KIAA0319L: variants seen among roughly 807,000 people sequenced by gnomAD.
KIAA0319L encodes the protein dyslexia-associated protein KIAA0319-like protein.
KIAA0319L carries 55 observed loss-of-function variants against 120.1 expected under a neutral mutation model. That is an observed-to-expected ratio of 0.46 (90% CI 0.37 to 0.57). KIAA0319L has a LOEUF of 0.57. Ranked by LOEUF, KIAA0319L falls within the 20% of genes least tolerant of loss-of-function variation. The pLI is 0.00. For missense variants in KIAA0319L, 1,049 were observed against 1,255.3 expected (o/e 0.84, Z 2.48); for synonymous variants, 398 against 471.9 (o/e 0.84, Z 2.03).
intron 15 of KIAA0319L, among the ~76,000 whole-genome samples, chr1:35,449,276 C>A (rs979069547): frequency 2.0e-5 from 3 of 152,180 alleles, no homozygotes; most frequent in African/African-American, 7.2e-5. Flanking sequence ...CTCTATCCCA[C>A]CTCCATACTC....
Position 35,434,867 on chromosome 1 carries a change from C to T in KIAA0319L, c.*27G>A. On this transcript the variant is annotated 3_prime_UTR_variant, in exon 21 of 21. Transcript: ENST00000325722. ...GGACTGGCCGGGCAGTGTGCTGGGC[C>T]CTGCCCTGAGGAGACAGACCAGGTG... The T allele has an allele frequency of 1.2e-6, 2 of 1,600,770 alleles. No individual in the cohort carries two copies. Among genetic ancestry groups the T allele is most frequent in the Non-Finnish European group, 8.5e-7 (1 of 1,171,942 alleles).
chr1:35,441,187 G>A (rs372173085), intron 19 of KIAA0319L, 49 bp from the exon 20 acceptor site: 78 of 1,537,910 alleles, frequency 5.1e-5, no homozygotes, highest in Non-Finnish European at 6.7e-5. Context: ...TTCTCTGGGA[G>A]GATGAGGATG....
At chr1:35,498,481 T>C (rs77940371) in intron 3 of KIAA0319L, among the ~76,000 whole-genome samples, 313 of 152,332 alleles carry the variant, frequency 2.1e-3, no homozygotes, top group African/African-American at 7.4e-3. Flanking sequence ...CTGTTTCTTC[T>C]TCAAGAATTC....
intron 2 of KIAA0319L, among the ~76,000 whole-genome samples, chr1:35,531,459 G>A (rs531426357): frequency 3.9e-5 from 6 of 152,324 alleles, no homozygotes; most frequent in African/African-American, 1.4e-4. Context: ...ATACAGTTTG[G>A]TGAGAGCTGG....
intron 11 of KIAA0319L, 144 bp downstream of exon 11, chr1:35,454,218 A>G: frequency 1.3e-6 from 1 of 741,888 alleles, no homozygotes; most frequent in Non-Finnish European, 2.2e-6. Context: ...GCACAAGGGG[A>G]AGGAACAATA....
chr1:35,505,614 A>G (rs1645178603), intron 3 of KIAA0319L, among the ~76,000 whole-genome samples: 1 of 152,254 alleles, frequency 6.6e-6, no homozygotes, highest in Admixed American at 6.5e-5. Context: ...AAGGCTTAGA[A>G]AAGTGCCTGA....
chr1:35,477,112 A>G (rs1215261466), intron 4 of KIAA0319L, among the ~76,000 whole-genome samples: 1 of 152,236 alleles, frequency 6.6e-6, no homozygotes, highest in African/African-American at 2.4e-5. Context: ...AAGCTACTGC[A>G]CAGCAAAGGA....
intron 2 of KIAA0319L, among the ~76,000 whole-genome samples, chr1:35,511,705 C>G (rs541479310): frequency 6.6e-6 from 1 of 152,112 alleles, no homozygotes; most frequent in African/African-American, 2.4e-5. Context: ...TATCTAGAAG[C>G]CTTCTCATTT....
At chr1:35,521,711 G>A (rs947798792) in intron 2 of KIAA0319L, among the ~76,000 whole-genome samples, 1 of 151,596 alleles carries the variant, frequency 6.6e-6, no homozygotes, top group Non-Finnish European at 1.5e-5. Flanking sequence ...GGTGGCTCAC[G>A]CCTGTAATCC....
At chr1:35,483,146 C>G (rs1484448272) in intron 3 of KIAA0319L, among the ~76,000 whole-genome samples, 1 of 152,118 alleles carries the variant, frequency 6.6e-6, no homozygotes, top group Non-Finnish European at 1.5e-5. Context: ...ATAAATGAGT[C>G]CTTTGTCAGA....
At position 35,557,314 on chromosome 1, in the gene KIAA0319L, AG is replaced by A. The variant is rs1187319336; in HGVS notation, c.-137del. The A allele has an allele frequency of 4.0e-5, 9 of 227,816 alleles. No homozygotes were observed. The East Asian group carries it at 1.4e-3, about 34-fold the overall frequency. 14.1% of individuals were successfully genotyped at this position (227,816 alleles called of 1,614,324 possible). ...CTTCGCTCCCCTCACCCGGAGGAGG[AG>A]GAGGAAGAGGAAGAAGGTAGTGCGG... On this transcript the variant is annotated 5_prime_UTR_variant, in exon 1 of 21. Coordinates refer to ENST00000325722, the MANE Select transcript of KIAA0319L (RefSeq NM_024874.5).
At chr1:35,505,078 T>G (rs1322194315) in intron 3 of KIAA0319L, among the ~76,000 whole-genome samples, 2 of 152,218 alleles carry the variant, frequency 1.3e-5, no homozygotes, top group Non-Finnish European at 2.9e-5. Context: ...CACCTTAGTT[T>G]GTATTAGGTG....
At chr1:35,524,302 G>A (rs11264170) in intron 2 of KIAA0319L, among the ~76,000 whole-genome samples, 23,355 of 152,140 alleles carry the variant, frequency 0.15, 3,569 homozygotes, top group East Asian at 0.52. Flanking sequence ...TGTAAGACTG[G>A]TTTGTCCTGA....
chr1:35,499,026 G>T (rs1644908842), intron 3 of KIAA0319L, among the ~76,000 whole-genome samples: 2 of 152,150 alleles, frequency 1.3e-5, no homozygotes, highest in South Asian at 4.1e-4. Flanking sequence ...GAATATGGCA[G>T]GGTTTATCTT....
intron 16 of KIAA0319L, among the ~76,000 whole-genome samples, chr1:35,447,010 C>T (rs1641672614): frequency 6.6e-6 from 1 of 152,176 alleles, no homozygotes; most frequent in Non-Finnish European, 1.5e-5. Flanking sequence ...ATCCAGACAT[C>T]CAAACCAAAA....
In KIAA0319L at chr1:35,498,077, A is replaced by G. The variant is rs559974793; in HGVS notation, c.666+8535T>C. Among the ~76,000 whole-genome samples the G allele has an allele frequency of 4.6e-5, 7 of 152,360 alleles. No individual in the cohort carries two copies. The South Asian group carries it at 1.2e-3, about 27-fold the overall frequency. ...GCTGGGCGCAGTGGCTCACGCCTGT[A>G]ATCCCAGCACTTTGGGAGGCCAAGG... On this transcript the variant is annotated intron_variant, in intron 3 of 20. Transcript: ENST00000325722.
Position 35,460,469 on chromosome 1 carries a change from G to A in KIAA0319L, c.1295-32C>T, listed in dbSNP as rs561993102. ...CATAAAGAAACATCAGTTACAACAT[G>A]AGAACGCTTGGTCTTAGCACTTATC... On this transcript the variant is annotated intron_variant, in intron 8 of 20. Transcript: ENST00000325722. 7.2e-5 allele frequency: 116 copies of A among 1,607,126 alleles called. 2 individuals are homozygous for A. In the South Asian group the frequency reaches 1.2e-3, roughly 17 times the overall value.
upstream of KIAA0319L, chr1:35,557,566 G>A: frequency 2.4e-6 from 1 of 409,694 alleles, no homozygotes; most frequent in South Asian, 1.8e-5. Flanking sequence ...AGGAATCTGG[G>A]CCCCCAGCCT....
In KIAA0319L at chr1:35,444,183, T is replaced by C; in HGVS notation, c.2634A>G (p.Arg878=). The change falls in exon 17 of 21, where the codon AGA becomes AGG. Residue 878 remains arginine (R), a synonymous_variant. Transcript: ENST00000325722. ...RKQKADFLIF[R]ALEVNTVTCQ... is the part of the protein sequence containing the mutation. ...CACTGACAGTGTTGACTTCCAAGGCTCTGAATATCAAAAAGTCTGCCTTTT... is the reference window on the plus strand; with the variant it reads ...CACTGACAGTGTTGACTTCCAAGGCCCTGAATATCAAAAAGTCTGCCTTTT... 6.2e-7 allele frequency: 1 copy of C among 1,606,504 alleles called. No homozygotes were observed.
Sources: gnomAD v4.1 joint callset for allele counts (sites outside exome capture counted in the v4.1 genomes callset) on GRCh38, gnomAD v4.1.1 for gene constraint, MANE v1.5 for transcripts, NCBI Gene and HGNC (gene_info 2026-07-23, HGNC 2026-07-21) for gene names.